The following SAMD9L variants were observed in gnomAD, a reference collection of about 807,000 sequenced individuals.
SAMD9L encodes the protein sterile alpha motif domain-containing protein 9-like.
A neutral mutation model predicts 90.7 loss-of-function variants in SAMD9L; 68 were observed. That is an observed-to-expected ratio of 0.75 (90% CI 0.62 to 0.92). SAMD9L has a LOEUF of 0.92. Among genes scored for constraint, SAMD9L ranks in the 40% least tolerant of loss-of-function variants. SAMD9L has a pLI of 0.00. For missense variants in SAMD9L, 1,604 were observed against 1,824.3 expected, an observed-to-expected ratio of 0.88 and a Z score of 2.20; for synonymous variants, 640 against 630.1, an observed-to-expected ratio of 1.02 and a Z score of -0.23.
At position 93,132,209 on chromosome 7, in the gene SAMD9L, A is replaced by G; in HGVS notation, c.3763T>C (p.Ser1255Pro). ...ECYLALSKFT[S>P]HLKNLQSDLK... ...TCTGATTGTAAATTTTTTAGGTGGG[A>G]TGTGAACTTGCTAAGAGCCAAATAA... Residue 1255 changes from serine (S) to proline (P), a missense_variant, in exon 5 of 5, where the codon TCC (serine) becomes CCC (proline). Transcript: ENST00000318238. The G allele has an allele frequency of 6.2e-7, 1 of 1,613,802 alleles. No homozygotes were observed. The highest frequency in any genetic ancestry group is 8.5e-7 in the Non-Finnish European group (1 of 1,179,870).
In SAMD9L at chr7:93,132,142, A is replaced by C; in HGVS notation, c.3830T>G (p.Leu1277Arg). 2 of 1,612,922 alleles carry C rather than the reference A, an allele frequency of 1.2e-6. No individual in the cohort carries two copies. The highest frequency in any genetic ancestry group is 1.7e-6 in the Non-Finnish European group (2 of 1,179,676). The change falls in exon 5 of 5, where the codon CTT becomes CGT. Residue 1277 changes from leucine (L) to arginine (R), a missense_variant. Leu to Arg is a moderately radical substitution (Grantham distance 102). Transcript: ENST00000318238. ...CFDFFIDYMV[L>R]LKMRYTQKEI... ...TTTTTGGGTATACCTCATTTTCAGA[A>C]GAACCATATAATCAATAAAAAAGTC...
intron 4 of SAMD9L, among the ~76,000 whole-genome samples, chr7:93,136,697 G>A (rs1274215555): frequency 6.6e-6 from 1 of 152,202 alleles, no homozygotes; most frequent in African/African-American, 2.4e-5. Context: ...TGAGGCTAAT[G>A]AAGATCCTAC....
chr7:93,145,787 AAAAT>A lies in SAMD9L; in HGVS notation c.-529_-526del, dbSNP rs1324289681. On this transcript the variant is annotated 5_prime_UTR_variant, in exon 3 of 5. An upstream open reading frame in the 5' UTR loses its in-frame stop. Coordinates refer to ENST00000318238, the MANE Select transcript of SAMD9L (RefSeq NM_152703.5). ...ATCTCTTTGTGTACTTACTTCTAAG[AAAAT>A]AAATAAAACTCAAAAAGTATGTGAC... The A allele has an allele frequency of 6.6e-6, 1 of 152,222 alleles. No individual in the cohort carries two copies. The highest frequency in any genetic ancestry group is 2.4e-5 in the African/African-American group (1 of 41,458). The allele number at this position is 152,222 out of a possible 1,614,324, so 9.4% of individuals were successfully genotyped here. A position where few individuals can be genotyped will look rare whatever the true frequency, so the allele number is the denominator to read the frequency against.
Position 93,132,078 on chromosome 7 carries a change from A to G in SAMD9L, c.3894T>C (p.Arg1298=). The change falls in exon 5 of 5, where the codon CGT becomes CGC. Residue 1298 remains arginine (R), a synonymous_variant. Transcript: ENST00000318238. ...AAAGTTCTGTGTATTTCCTGAAACA[A>G]CGACTGACTTTCTTGCTTAACATGA... The part of the protein sequence containing the change: ...AEIMLSKKVS[R]CFRKYTELFC... 1 of 1,613,804 alleles carries G rather than the reference A, an allele frequency of 6.2e-7. No homozygotes were observed. The highest frequency in any genetic ancestry group is 8.5e-7 in the Non-Finnish European group (1 of 1,179,866).
chr7:93,141,010 T>G (rs1358504082), intron 4 of SAMD9L, among the ~76,000 whole-genome samples: 1 of 152,230 alleles, frequency 6.6e-6, no homozygotes, highest in Non-Finnish European at 1.5e-5. Flanking sequence ...TTCCACTCAC[T>G]TTAGAAGGCA....
rs1459673547 is a variant in SAMD9L at position 93,147,140 on chromosome 7, G to A, written c.-1036C>T. The A allele has an allele frequency of 6.6e-6, 1 of 152,106 alleles. No individual in the cohort carries two copies. Among genetic ancestry groups the A allele is most frequent in the African/African-American group, 2.4e-5 (1 of 41,418 alleles). 9.4% of individuals were successfully genotyped at this position (152,106 alleles called of 1,614,324 possible). A position where few individuals can be genotyped will look rare whatever the true frequency, so the allele number is the denominator to read the frequency against. On this transcript the variant is annotated 5_prime_UTR_variant, in exon 2 of 5. Coordinates refer to ENST00000318238, the MANE Select transcript of SAMD9L (RefSeq NM_152703.5). Reference sequence around the variant, plus strand: ...AAATTTAACCAGCCAGTCTCTCTCTGGAAATGCTAAAGATGGAAAAAACAG... The same window carrying A: ...AAATTTAACCAGCCAGTCTCTCTCTAGAAATGCTAAAGATGGAAAAAACAG...
rs775122107 is a variant in SAMD9L, at chr7:93,131,480, C to G, written c.4492G>C (p.Asp1498His). The change falls in exon 5 of 5, where the codon GAT (aspartate) becomes CAT (histidine). Residue 1498 changes from aspartate to histidine, a missense_variant. By Grantham distance (81) the Asp-to-His change is moderately conservative. Around this residue, in one of 7 missense-constraint regions of SAMD9L, gnomAD observed 282 missense variants for 329.6 expected, o/e 0.86. Coordinates refer to ENST00000318238, the MANE Select transcript of SAMD9L (RefSeq NM_152703.5). ...AGGGAATTTGTATTTTGTGCTTTAT[C>G]AAAGTACTGCTCTATTTTGGCCTTG... Reference protein sequence around the residue: ...VHKAKIEQYFDKAQNTNSLWH... With the variant: ...VHKAKIEQYFHKAQNTNSLWH... The G allele has an allele frequency of 1.2e-6, 2 of 1,613,890 alleles. No homozygotes were observed. The highest frequency in any genetic ancestry group is 1.7e-6 in the Non-Finnish European group (2 of 1,179,896).
At chr7:93,143,061 TTGTCTTTG>T (rs1792754847) in intron 4 of SAMD9L, among the ~76,000 whole-genome samples, 1 of 152,176 alleles carries the variant, frequency 6.6e-6, no homozygotes, top group African/African-American at 2.4e-5. Context: ...AGCAGAGGGA[TTGTCTTTG>T]TGTCTTTGTG....
chr7:93,142,194 C>T (rs1792719410), intron 4 of SAMD9L, among the ~76,000 whole-genome samples: 1 of 152,202 alleles, frequency 6.6e-6, no homozygotes, highest in South Asian at 2.1e-4. Context: ...CTCTTCCCTG[C>T]TTCAAGTTTT....
At position 93,135,567 on chromosome 7, in the gene SAMD9L, A is replaced by G. The variant is rs745540135; in HGVS notation, c.405T>C (p.Ile135=). The G allele has an allele frequency of 3.1e-6, 5 of 1,613,974 alleles. No homozygotes were observed. The highest frequency in any genetic ancestry group is 4.2e-6 in the Non-Finnish European group (5 of 1,179,918). Residue 135 remains isoleucine (I), a synonymous_variant, in exon 5 of 5, where the codon ATT becomes ATC. Coordinates refer to ENST00000318238, the MANE Select transcript of SAMD9L (RefSeq NM_152703.5). Reference sequence around the variant, plus strand: ...CATCTAACACATTTTCTTTCATAAGAATTGATTCTTCTTGTTTGATATCTC... The same window carrying G: ...CATCTAACACATTTTCTTTCATAAGGATTGATTCTTCTTGTTTGATATCTC... ...EIRDIKQEES[I]LMKENVLDEV... is the part of the protein sequence containing the mutation.
In SAMD9L at chr7:93,132,869, C is replaced by T; in HGVS notation, c.3103G>A (p.Val1035Ile). 2 of 1,613,784 alleles carry T rather than the reference C, an allele frequency of 1.2e-6. No homozygotes were observed. The highest frequency in any genetic ancestry group is 1.7e-6 in the Non-Finnish European group (2 of 1,179,814). ...TGTCTTGTAAGCAGAAGAGTTTGAA[C>T]ATCATGTTGAAATTTGTCTCTTCCT... ...GIGRDKFQHD[V>I]QTLLLTRQRK... is the part of the protein sequence containing the mutation. The change falls in exon 5 of 5, where the codon GTT (valine) becomes ATT (isoleucine). Residue 1035 changes from valine to isoleucine, a missense_variant. Around this residue, in one of 7 missense-constraint regions of SAMD9L, gnomAD observed 302 missense variants for 314.7 expected, o/e 0.96. Coordinates refer to ENST00000318238, the MANE Select transcript of SAMD9L (RefSeq NM_152703.5).
rs760652080 is a variant in SAMD9L, at chr7:93,135,579, T to C, written c.393A>G (p.Gln131=). The change falls in exon 5 of 5, where the codon CAA becomes CAG. Residue 131 remains glutamine (Q), a synonymous_variant. Transcript: ENST00000318238. Reference sequence around the variant, plus strand: ...TTTCTTTCATAAGAATTGATTCTTCTTGTTTGATATCTCTGATCTCTCTGG... The same window carrying C: ...TTTCTTTCATAAGAATTGATTCTTCCTGTTTGATATCTCTGATCTCTCTGG... The part of the protein sequence containing the change: ...YDPREIRDIK[Q]EESILMKENV... 1 of 1,614,028 alleles carries C rather than the reference T, an allele frequency of 6.2e-7. No individual in the cohort carries two copies. The highest frequency in any genetic ancestry group is 8.5e-7 in the Non-Finnish European group (1 of 1,179,950).
chr7:93,147,465 G>A (rs1792936817), intron 1 of SAMD9L, among the ~76,000 whole-genome samples: 1 of 152,116 alleles, frequency 6.6e-6, no homozygotes, highest in Non-Finnish European at 1.5e-5. Flanking sequence ...AAACTCTCAG[G>A]GACAAGCCCA....
chr7:93,133,555 T>A lies in SAMD9L; in HGVS notation c.2417A>T (p.Glu806Val). ...IPVLLLVDDF[E>V]EQENVYFLQN... Reference sequence around the variant, plus strand: ...TAGAAAGTAGACATTTTCTTGTTCTTCAAAATCATCCACAAGGAGAAGCAC... The same window carrying A: ...TAGAAAGTAGACATTTTCTTGTTCTACAAAATCATCCACAAGGAGAAGCAC... The change falls in exon 5 of 5, where the codon GAA becomes GTA. Residue 806 changes from glutamate (E) to valine (V), a missense_variant. Transcript: ENST00000318238. The A allele has an allele frequency of 6.2e-7, 1 of 1,613,830 alleles. No individual in the cohort carries two copies. Among genetic ancestry groups the A allele is most frequent in the Non-Finnish European group, 8.5e-7 (1 of 1,179,848 alleles).
intron 2 of SAMD9L, among the ~76,000 whole-genome samples, chr7:93,146,336 A>T (rs886260001): frequency 6.6e-6 from 1 of 152,122 alleles, no homozygotes; most frequent in East Asian, 1.9e-4. Context: ...TCAGCAAGGC[A>T]CTGTTTGGCC....
chr7:93,131,978 G>C lies in SAMD9L; in HGVS notation c.3994C>G (p.Leu1332Val). 1.2e-6 allele frequency: 2 copies of C among 1,611,780 alleles called. No homozygotes were observed. The highest frequency in any genetic ancestry group is 1.7e-6 in the Non-Finnish European group (2 of 1,179,384). ...AACCTATCTGCTCTCAGAGCTTCTAGCTTTTTCCTGCAATTCTCCTCCTGG... is the reference window on the plus strand; with the variant it reads ...AACCTATCTGCTCTCAGAGCTTCTACCTTTTTCCTGCAATTCTCCTCCTGG... ...LLQEENCRKK[L>V]EALRADRFAG... Residue 1332 changes from leucine to valine, a missense_variant, in exon 5 of 5, where the codon CTA (leucine) becomes GTA (valine). By Grantham distance (32) the Leu-to-Val change is conservative (BLOSUM62 1). Around this residue, in one of 7 missense-constraint regions of SAMD9L, gnomAD observed 282 missense variants for 329.6 expected, o/e 0.86. Coordinates refer to ENST00000318238, the MANE Select transcript of SAMD9L (RefSeq NM_152703.5).
chr7:93,139,298 G>A (rs1792586482), intron 4 of SAMD9L, among the ~76,000 whole-genome samples: 1 of 152,084 alleles, frequency 6.6e-6, no homozygotes, highest in Admixed American at 6.6e-5. Context: ...TTACTATTAT[G>A]GATTGAATTA....
chr7:93,138,778 T>A (rs1792562105), intron 4 of SAMD9L, among the ~76,000 whole-genome samples: 1 of 150,254 alleles, frequency 6.7e-6, no homozygotes, highest in Non-Finnish European at 1.5e-5. Context: ...CCAGGGCAGA[T>A]GGAGCTTGGG....
At chr7:93,143,296 G>T (rs904816297) in intron 4 of SAMD9L, among the ~76,000 whole-genome samples, 1 of 151,892 alleles carries the variant, frequency 6.6e-6, no homozygotes, top group African/African-American at 2.4e-5. Flanking sequence ...CTGGACAATG[G>T]CCCTCCACAC....
Sources: allele counts gnomAD v4.1 joint callset (sites outside exome capture counted in the v4.1 genomes callset), GRCh38; gene constraint gnomAD v4.1.1; regional missense constraint gnomAD v4.1.1; transcripts MANE v1.5; gene names NCBI Gene and HGNC (gene_info 2026-07-23, HGNC 2026-07-21).